Variants in EDA observed in about 807,000 individuals in gnomAD.
The protein encoded by EDA is ectodysplasin A.
Under a neutral mutation model 23.6 loss-of-function variants are expected in EDA, and 2 were observed. The ratio of observed to expected loss-of-function variants is 0.08; its 90% CI spans 0.03 to 0.27. The LOEUF is 0.27. EDA is among the 10% of genes least tolerant of loss of function. EDA has a pLI of 1.00. For synonymous variants in EDA, 131 were observed against 132.0 expected (o/e 0.99, Z 0.05); for missense variants, 229 against 324.2 (o/e 0.71, Z 2.26).
intron 1 of EDA, among the ~76,000 whole-genome samples, chrX:69,856,461 A>T (rs1473787220): frequency 9.0e-6 from 1 of 110,543 alleles, no homozygotes; most frequent in Non-Finnish European, 1.9e-5. Context: ...TAAAGGTTAT[A>T]CTAATTGACA....
At chrX:69,965,660 A>G (rs2019162070) in intron 2 of EDA, among the ~76,000 whole-genome samples, 1 of 112,450 alleles carries the variant, frequency 8.9e-6, no homozygotes, top group African/African-American at 3.2e-5. Context: ...GCTCTGAGGA[A>G]GAAAACTGAG....
intron 2 of EDA, among the ~76,000 whole-genome samples, chrX:69,978,785 G>T (rs7888085): frequency 0.29 from 32,439 of 110,319 alleles, 4,154 homozygotes; most frequent in Middle Eastern, 0.52. Flanking sequence ...CATATCAATG[G>T]ATTCATACAC....
intron 1 of EDA, among the ~76,000 whole-genome samples, chrX:69,818,659 T>C (rs765905942): frequency 1.8e-5 from 2 of 111,362 alleles, no homozygotes; most frequent in Non-Finnish European, 1.9e-5. Flanking sequence ...TTCCCAAGAC[T>C]GAACCAGGAA....
intron 1 of EDA, among the ~76,000 whole-genome samples, chrX:69,825,700 C>A (rs1306610364): frequency 2.7e-5 from 3 of 112,723 alleles, no homozygotes; most frequent in Non-Finnish European, 5.6e-5. Flanking sequence ...CTATTTCCTT[C>A]AGTTCTGCTC....
intron 1 of EDA, among the ~76,000 whole-genome samples, chrX:69,704,327 A>G (rs2011625518): frequency 8.9e-6 from 1 of 112,051 alleles, no homozygotes; most frequent in South Asian, 3.7e-4. Context: ...GTCTGGGTTA[A>G]GATAAGAGGT....
chrX:69,782,685 G>C (rs1602399521), intron 1 of EDA, among the ~76,000 whole-genome samples: 2 of 111,622 alleles, frequency 1.8e-5, no homozygotes, highest in Admixed American at 1.9e-4. Context: ...ATAGGGAGCG[G>C]GCCAATAAAG....
chrX:69,816,347 T>A (rs1257547569), intron 1 of EDA, among the ~76,000 whole-genome samples: 1 of 111,314 alleles, frequency 9.0e-6, no homozygotes, highest in African/African-American at 3.3e-5. Context: ...GAGGCTGAGA[T>A]GGCTGAATTG....
At chrX:69,636,964 G>A (rs1449970308) in intron 1 of EDA, among the ~76,000 whole-genome samples, 2 of 110,760 alleles carry the variant, frequency 1.8e-5, no homozygotes, top group Non-Finnish European at 1.9e-5. Flanking sequence ...ATTTTCAACC[G>A]CAATTTTTTT....
intron 2 of EDA, among the ~76,000 whole-genome samples, chrX:69,982,377 G>A (rs1189629361): frequency 3.6e-5 from 4 of 111,038 alleles, no homozygotes; most frequent in Admixed American, 9.6e-5. Context: ...ACAAAGGAGC[G>A]TTGCATAGAA....
chrX:69,811,759 T>TGA (rs2015962933), intron 1 of EDA, among the ~76,000 whole-genome samples: 1 of 112,316 alleles, frequency 8.9e-6, no homozygotes, highest in African/African-American at 3.2e-5. Context: ...AGAGCAGGGA[T>TGA]GGCTCCCAAG....
intron 1 of EDA, among the ~76,000 whole-genome samples, chrX:69,734,545 T>A (rs1416640849): frequency 8.9e-6 from 1 of 112,039 alleles, no homozygotes; most frequent in Non-Finnish European, 1.9e-5. Context: ...AGTCTTTCTA[T>A]TCTGATATAA....
At position 70,030,721 on chromosome X, in the gene EDA, C is replaced by CT. The variant is rs1189381020; in HGVS notation, c.793+204dup. On this transcript the variant is annotated intron_variant, in intron 6 of 7. Coordinates refer to ENST00000374552, the MANE Select transcript of EDA (RefSeq NM_001399.5). ...AAGACCAGTTGCTACACCCAAATTG[C>CT]TTTAGAATCACTGATGACGGAGCTG... Among the ~76,000 whole-genome samples the CT allele has an allele frequency of 4.9e-4, 55 of 112,371 alleles. 1 individual carries two copies. Among genetic ancestry groups the CT allele is most frequent in the Admixed American group, 1.9e-4 (2 of 10,632 alleles).
At chrX:69,957,719 A>G (rs989283666) in intron 2 of EDA, among the ~76,000 whole-genome samples, 8 of 110,939 alleles carry the variant, frequency 7.2e-5, no homozygotes, top group African/African-American at 2.3e-4. Context: ...ATCACCCTCT[A>G]TAAGGGCCTC....
intron 1 of EDA, among the ~76,000 whole-genome samples, chrX:69,711,534 TTTTC>T (rs1252047029): frequency 8.9e-6 from 1 of 111,844 alleles, no homozygotes; most frequent in Admixed American, 9.5e-5. Flanking sequence ...GATTCCCTCT[TTTTC>T]TATTGATTGG....
At chrX:69,722,657 A>G (rs1367006881) in intron 1 of EDA, among the ~76,000 whole-genome samples, 2 of 111,409 alleles carry the variant, frequency 1.8e-5, no homozygotes, top group African/African-American at 3.3e-5. Flanking sequence ...TTGCAGGCTC[A>G]TGACACTCTT....
intron 1 of EDA, among the ~76,000 whole-genome samples, chrX:69,882,158 T>C (rs1298873655): frequency 2.7e-5 from 3 of 111,868 alleles, no homozygotes; most frequent in Non-Finnish European, 5.6e-5. Flanking sequence ...AAACTAGCCT[T>C]AATATTATAC....
chrX:69,867,762 C>G (rs1022341336), intron 1 of EDA, among the ~76,000 whole-genome samples: 7 of 112,093 alleles, frequency 6.2e-5, no homozygotes, highest in Admixed American at 5.7e-4. Context: ...TTGGTGCAGG[C>G]TGGGGGAGAG....
At chrX:69,796,045 C>G (rs187171613) in intron 1 of EDA, among the ~76,000 whole-genome samples, 2 of 111,974 alleles carry the variant, frequency 1.8e-5, no homozygotes, top group Admixed American at 1.9e-4. Flanking sequence ...ATAGCACCTA[C>G]CTACTAGCAC....
intron 1 of EDA, among the ~76,000 whole-genome samples, chrX:69,798,968 A>C (rs1480416562): frequency 1.8e-5 from 2 of 111,716 alleles, no homozygotes; most frequent in Non-Finnish European, 3.8e-5. Flanking sequence ...ACCTATAGTA[A>C]CCAAAACAAC....
Sources: allele counts gnomAD v4.1 joint callset (sites outside exome capture counted in the v4.1 genomes callset), GRCh38; gene constraint gnomAD v4.1.1; transcripts MANE v1.5; gene names NCBI Gene and HGNC (gene_info 2026-07-23, HGNC 2026-07-21).